The following TOP1 variants were observed in gnomAD, a reference collection of about 807,000 sequenced individuals.
The protein encoded by TOP1 is DNA topoisomerase I, also known as DNA topoisomerase 1.
A neutral mutation model predicts 111.1 loss-of-function variants in TOP1; 10 were observed. The observed-to-expected ratio is 0.09, with a 90% CI of 0.06 to 0.15. The LOEUF (loss-of-function observed/expected upper bound fraction) is 0.15. Among genes scored for constraint, TOP1 ranks in the 10% least tolerant of loss-of-function variants. TOP1 has a pLI of 1.00. For missense variants in TOP1, 474 were observed against 926.7 expected (o/e 0.51, Z 6.34); for synonymous variants, 271 against 302.9 (o/e 0.89, Z 1.10).
At chr20:41,060,459 A>C (rs1346800280) in intron 2 of TOP1, among the ~76,000 whole-genome samples, 1 of 152,230 alleles carries the variant, frequency 6.6e-6, no homozygotes, top group Non-Finnish European at 1.5e-5. Context: ...AGACAAATCT[A>C]ATATACAGCA....
chr20:41,029,567 G>A lies in TOP1; in HGVS notation c.58+112G>A. Reference sequence around the variant, plus strand: ...CATGGCGTCCCAGAGACTAAGTCCCGGCTCCTCGCTCACCGGCCCCATTGT... The same window carrying A: ...CATGGCGTCCCAGAGACTAAGTCCCAGCTCCTCGCTCACCGGCCCCATTGT... On this transcript the variant is annotated intron_variant, in intron 2 of 20. Coordinates refer to ENST00000361337, the MANE Select transcript of TOP1 (RefSeq NM_003286.4). This position sits in a 1 kb window ranked among gnomAD's most constrained non-coding sequence, Gnocchi z 6.1. 1.2e-6 allele frequency: 1 copy of A among 856,668 alleles called. No individual in the cohort carries two copies. The highest frequency in any genetic ancestry group is 1.9e-6 in the Non-Finnish European group (1 of 531,044). 53.1% of individuals were successfully genotyped at this position (856,668 alleles called of 1,614,324 possible). A position where few individuals can be genotyped will look rare whatever the true frequency, so the allele number is the denominator to read the frequency against.
At chr20:41,072,056 A>AC (rs2033675223) in intron 3 of TOP1, among the ~76,000 whole-genome samples, 1 of 152,206 alleles carries the variant, frequency 6.6e-6, no homozygotes, top group Non-Finnish European at 1.5e-5. Flanking sequence ...CTACTCTTAG[A>AC]AGACAAAATG....
Position 41,083,210 on chromosome 20 carries a change from A to G in TOP1, c.508-1252A>G, listed in dbSNP as rs2145939642. ...GGATGCCTGCTCAGAAGCTGTTTAGAGTATCTTCACTGAAAAACATTTCCC... is the reference window on the plus strand; with the variant it reads ...GGATGCCTGCTCAGAAGCTGTTTAGGGTATCTTCACTGAAAAACATTTCCC... On this transcript the variant is annotated intron_variant, in intron 7 of 20. Coordinates refer to ENST00000361337, the MANE Select transcript of TOP1 (RefSeq NM_003286.4). The surrounding 1 kb of genome is among the most constrained non-coding windows in gnomAD (Gnocchi z 7.2). Among the ~76,000 whole-genome samples the G allele has an allele frequency of 6.6e-6, 1 of 152,270 alleles. No individual in the cohort carries two copies. Among genetic ancestry groups the G allele is most frequent in the East Asian group, 1.9e-4 (1 of 5,188 alleles).
intron 3 of TOP1, among the ~76,000 whole-genome samples, chr20:41,062,973 C>A (rs1430318291): frequency 6.6e-6 from 1 of 152,094 alleles, no homozygotes; most frequent in African/African-American, 2.4e-5. Context: ...TCAGTGGGTA[C>A]ATATAGGCAA....
chr20:41,043,645 A>T (rs560354691), intron 2 of TOP1, among the ~76,000 whole-genome samples: 1 of 152,160 alleles, frequency 6.6e-6, no homozygotes, highest in African/African-American at 2.4e-5. Flanking sequence ...CAGCACACTT[A>T]AAGTCTTTAT....
chr20:41,054,746 A>G (rs1043787712), intron 2 of TOP1, among the ~76,000 whole-genome samples: 1 of 152,228 alleles, frequency 6.6e-6, no homozygotes, highest in Non-Finnish European at 1.5e-5. Context: ...CTTTAGCAGG[A>G]AGCTTTGGAC....
rs191071271 is a variant in TOP1, at chr20:41,034,252, C to T, written c.58+4797C>T. Reference sequence around the variant, plus strand: ...AAGCTTTCAGATTGTGTTTAAACTTCGAGTAGTAATATTTGGAACTGTCTT... The same window carrying T: ...AAGCTTTCAGATTGTGTTTAAACTTTGAGTAGTAATATTTGGAACTGTCTT... On this transcript the variant is annotated intron_variant, in intron 2 of 20. Transcript: ENST00000361337. The surrounding 1 kb of genome is among the most constrained non-coding windows in gnomAD (Gnocchi z 4.0). Among the ~76,000 whole-genome samples the T allele has an allele frequency of 7.9e-5, 12 of 152,278 alleles. No homozygotes were observed. The highest frequency in any genetic ancestry group is 2.2e-4 in the African/African-American group (9 of 41,544).
At chr20:41,033,066 TA>T (rs1416243752) in intron 2 of TOP1, among the ~76,000 whole-genome samples, 1 of 152,154 alleles carries the variant, frequency 6.6e-6, no homozygotes, top group Non-Finnish European at 1.5e-5. Flanking sequence ...TGCTTTGACA[TA>T]AAAGAAAGTT....
At chr20:41,086,714 T>C (rs1317784584) in intron 8 of TOP1, among the ~76,000 whole-genome samples, 2 of 152,248 alleles carry the variant, frequency 1.3e-5, no homozygotes, top group Non-Finnish European at 2.9e-5. Flanking sequence ...GTTTTTATTC[T>C]TATTTTGGGT....
At chr20:41,051,564 A>G (rs1238475184) in intron 2 of TOP1, among the ~76,000 whole-genome samples, 1 of 152,200 alleles carries the variant, frequency 6.6e-6, no homozygotes, top group Non-Finnish European at 1.5e-5. Flanking sequence ...CCACCTGCTG[A>G]CCACAGCTAA....
chr20:41,104,349 C>G (rs979502136), intron 13 of TOP1, among the ~76,000 whole-genome samples: 13 of 152,200 alleles, frequency 8.5e-5, no homozygotes, highest in Admixed American at 8.5e-4. Flanking sequence ...CAATGGGAAG[C>G]TGTTGCATAC....
At chr20:41,089,617 C>G (rs149274546) in intron 8 of TOP1, among the ~76,000 whole-genome samples, 3 of 152,142 alleles carry the variant, frequency 2.0e-5, no homozygotes, top group African/African-American at 7.2e-5. Flanking sequence ...GTGAAACATT[C>G]GTGTACAAGT....
chr20:41,073,165 G>A (rs1038958565), intron 3 of TOP1: 45 of 985,306 alleles, frequency 4.6e-5, no homozygotes, highest in South Asian at 1.4e-4. Flanking sequence ...GCTGAAAACC[G>A]CAGGGCTACA....
intron 8 of TOP1, among the ~76,000 whole-genome samples, chr20:41,088,070 T>C (rs1346899332): frequency 6.6e-6 from 1 of 152,234 alleles, no homozygotes; most frequent in Non-Finnish European, 1.5e-5. Context: ...ATTCTGTCTT[T>C]CTGTTTAAAC....
intron 2 of TOP1, among the ~76,000 whole-genome samples, chr20:41,037,144 C>G (rs2033199509): frequency 6.6e-6 from 1 of 152,050 alleles, no homozygotes; most frequent in African/African-American, 2.4e-5. Context: ...TCCTACTTTT[C>G]TAAGAATGTT....
chr20:41,089,342 G>A (rs1180349712), intron 8 of TOP1, among the ~76,000 whole-genome samples: 1 of 152,032 alleles, frequency 6.6e-6, no homozygotes. Context: ...CCCAGTTCTT[G>A]GTAAGCACCA....
chr20:41,114,776 C>A lies in TOP1; in HGVS notation c.1639-595C>A, dbSNP rs2034302374. Among the ~76,000 whole-genome samples, 1 of 152,182 alleles carries A rather than the reference C, an allele frequency of 6.6e-6. No homozygotes were observed. Among genetic ancestry groups the A allele is most frequent in the Non-Finnish European group, 1.5e-5 (1 of 68,030 alleles). On this transcript the variant is annotated intron_variant, in intron 15 of 20. Coordinates refer to ENST00000361337, the MANE Select transcript of TOP1 (RefSeq NM_003286.4). The surrounding 1 kb of genome is among the most constrained non-coding windows in gnomAD (Gnocchi z 4.5). ...TATAGCTCTGTAGTCCCAACCTAATCTTTTCCATAGTATTGGGCTTGAACC... is the reference window on the plus strand; with the variant it reads ...TATAGCTCTGTAGTCCCAACCTAATATTTTCCATAGTATTGGGCTTGAACC...
intron 2 of TOP1, among the ~76,000 whole-genome samples, chr20:41,053,859 C>T (rs910788750): frequency 3.9e-5 from 6 of 152,052 alleles, no homozygotes; most frequent in African/African-American, 7.2e-5. Context: ...TCTAGATACA[C>T]CTTGGAGTGT....
intron 2 of TOP1, among the ~76,000 whole-genome samples, chr20:41,057,893 G>T (rs2033493754): frequency 6.6e-6 from 1 of 152,140 alleles, no homozygotes; most frequent in Admixed American, 6.6e-5. Context: ...TCATTATTAT[G>T]ATTTTAGCCA....
Sources: allele counts gnomAD v4.1 joint callset (sites outside exome capture counted in the v4.1 genomes callset), GRCh38; gene constraint gnomAD v4.1.1; non-coding constraint Gnocchi (gnomAD v3.1); transcripts MANE v1.5; gene names NCBI Gene and HGNC (gene_info 2026-07-23, HGNC 2026-07-21).